CCM2: variants seen among roughly 807,000 people sequenced by gnomAD.
CCM2 encodes the protein cerebral cavernous malformations 2 protein.
In CCM2, 25 loss-of-function variants were observed where a neutral mutation model predicts 44.9. The ratio of observed to expected loss-of-function variants is 0.56; its 90% confidence interval spans 0.41 to 0.78. The LOEUF (loss-of-function observed/expected upper bound fraction) is 0.78. Ranked by LOEUF, CCM2 falls within the 30% of genes least tolerant of loss-of-function variation. The pLI, the probability that CCM2 is intolerant of heterozygous loss-of-function variation, is 0.00. For synonymous variants in CCM2, 219 were observed against 241.1 expected, an observed-to-expected ratio of 0.91 and a Z score of 0.85; for missense variants, 481 against 580.6, an observed-to-expected ratio of 0.83 and a Z score of 1.76.
intron 2 of CCM2, among the ~76,000 whole-genome samples, chr7:45,061,925 C>T (rs1798544954): frequency 6.6e-6 from 1 of 152,182 alleles, no homozygotes; most frequent in Non-Finnish European, 1.5e-5. Flanking sequence ...AGTGACTATT[C>T]CCCTGGAGTT....
intron 1 of CCM2, among the ~76,000 whole-genome samples, chr7:45,026,764 G>A (rs1007674147): frequency 6.6e-6 from 1 of 151,734 alleles, no homozygotes; most frequent in Non-Finnish European, 1.5e-5. Flanking sequence ...CACCACGCCC[G>A]GCTAATTTTT....
intron 2 of CCM2, among the ~76,000 whole-genome samples, chr7:45,055,856 C>T (rs1386370193): frequency 3.9e-5 from 6 of 152,114 alleles, no homozygotes; most frequent in Non-Finnish European, 2.9e-5. Context: ...CCTCCCACAG[C>T]CCCTGGCAAC....
chr7:45,067,348 A>G (rs1055455312), intron 4 of CCM2, among the ~76,000 whole-genome samples: 7 of 149,254 alleles, frequency 4.7e-5, no homozygotes, highest in Admixed American at 4.7e-4. Context: ...TTTTTAGTAG[A>G]GATGGGGTTT....
rs189962824 is a variant in CCM2 at position 45,013,091 on chromosome 7, T to C, written c.30+12728T>C. Among the ~76,000 whole-genome samples the C allele has an allele frequency of 3.3e-5, 5 of 152,308 alleles. No homozygotes were observed. In the East Asian group the frequency reaches 5.8e-4, roughly 18 times the overall value. On this transcript the variant is annotated intron_variant, in intron 1 of 9. Coordinates refer to ENST00000258781, the MANE Select transcript of CCM2 (RefSeq NM_031443.4). Reference sequence around the variant, plus strand: ...TTTGTTTCTCCTTTTTGATTATTTTTAACTCTGTTCTATTGCTACTGGCTT... The same window carrying C: ...TTTGTTTCTCCTTTTTGATTATTTTCAACTCTGTTCTATTGCTACTGGCTT...
At chr7:45,012,617 A>G (rs1796112011) in intron 1 of CCM2, among the ~76,000 whole-genome samples, 1 of 152,024 alleles carries the variant, frequency 6.6e-6, no homozygotes, top group South Asian at 2.1e-4. Flanking sequence ...GAGCAGTAGT[A>G]TGATCATAAC....
In CCM2 at chr7:45,076,091, G is replaced by A. The variant is rs774455845; in HGVS notation, c.*34G>A. 14 of 1,611,816 alleles carry A rather than the reference G, an allele frequency of 8.7e-6. No homozygotes were observed. Among genetic ancestry groups the A allele is most frequent in the South Asian group, 2.2e-5 (2 of 91,040 alleles). ...GGATGGGGGGGCACCCACACCTTCCGCGCAGTCGTCATAGGCCTTCCCAGA... is the reference window on the plus strand; with the variant it reads ...GGATGGGGGGGCACCCACACCTTCCACGCAGTCGTCATAGGCCTTCCCAGA... On this transcript the variant is annotated 3_prime_UTR_variant, in exon 10 of 10. Transcript: ENST00000258781.
intron 2 of CCM2, among the ~76,000 whole-genome samples, chr7:45,056,322 T>G (rs1300979443): frequency 6.6e-6 from 1 of 152,208 alleles, no homozygotes; most frequent in African/African-American, 2.4e-5. Flanking sequence ...TTTCAATATC[T>G]CCATATCTTT....
chr7:45,040,695 C>G (rs1367194322), intron 2 of CCM2, among the ~76,000 whole-genome samples: 2 of 151,792 alleles, frequency 1.3e-5, no homozygotes, highest in Non-Finnish European at 2.9e-5. Context: ...TGCATCAAAA[C>G]ATAAGGGGAG....
At chr7:45,058,449 T>C (rs903546373) in intron 2 of CCM2, among the ~76,000 whole-genome samples, 1 of 150,966 alleles carries the variant, frequency 6.6e-6, no homozygotes, top group Admixed American at 6.6e-5. Flanking sequence ...AGGTATATCT[T>C]CTAATGCTAT....
intron 1 of CCM2, among the ~76,000 whole-genome samples, chr7:45,029,159 G>T (rs753586388): frequency 4.6e-5 from 7 of 152,150 alleles, no homozygotes; most frequent in Non-Finnish European, 8.8e-5. Flanking sequence ...TAGACTGGGG[G>T]TTCCCTGGGG....
chr7:45,043,889 A>G (rs1010859908), intron 2 of CCM2, among the ~76,000 whole-genome samples: 4 of 152,100 alleles, frequency 2.6e-5, no homozygotes, highest in African/African-American at 9.7e-5. Context: ...TGTTTCTACT[A>G]TATCTGATTG....
At chr7:45,025,272 C>T (rs1796638540) in intron 1 of CCM2, among the ~76,000 whole-genome samples, 1 of 152,032 alleles carries the variant, frequency 6.6e-6, no homozygotes, top group Non-Finnish European at 1.5e-5. Context: ...GAATGGAATT[C>T]TTTTTGGGGG....
chr7:45,031,872 A>G (rs1796986246), intron 1 of CCM2, among the ~76,000 whole-genome samples: 1 of 152,148 alleles, frequency 6.6e-6, no homozygotes, highest in Non-Finnish European at 1.5e-5. Flanking sequence ...GCGCCCAGCC[A>G]TCAGCTTAAA....
chr7:45,070,286 A>G, intron 6 of CCM2: 2 of 387,484 alleles, frequency 5.2e-6, no homozygotes, highest in South Asian at 4.1e-5. Flanking sequence ...GGCTCCTAGC[A>G]CTGGGGCCTG....
At position 45,073,524 on chromosome 7, in the gene CCM2, G is replaced by C. The variant is rs538393509; in HGVS notation, c.868G>C (p.Glu290Gln). The C allele has an allele frequency of 1.2e-6, 2 of 1,613,034 alleles. No homozygotes were observed. Among genetic ancestry groups the C allele is most frequent in the Non-Finnish European group, 1.7e-6 (2 of 1,179,988 alleles). Residue 290 changes from glutamate to glutamine, a missense_variant, in exon 8 of 10, where the codon GAG (glutamate) becomes CAG (glutamine). Coordinates refer to ENST00000258781, the MANE Select transcript of CCM2 (RefSeq NM_031443.4). ...CCACAGCAAGACCATCAGTGAGAGC[G>C]AGCTGAGCGCCAGCGCCACTGAGCT... Reference protein sequence around the residue: ...SPHSKTISESELSASATELLQ... With the variant: ...SPHSKTISESQLSASATELLQ...
At chr7:45,028,332 C>T (rs1198826787) in intron 1 of CCM2, among the ~76,000 whole-genome samples, 3 of 152,100 alleles carry the variant, frequency 2.0e-5, no homozygotes, top group Non-Finnish European at 4.4e-5. Context: ...AGCAAACAGG[C>T]GGTAGTGGGC....
rs1166927200 is a variant in CCM2, at chr7:45,046,743, CA to C, written c.204+8318del. 7.2e-5 allele frequency among the ~76,000 whole-genome samples: 11 copies of C among 152,262 alleles called. 1 individual carries two copies. Among genetic ancestry groups the C allele is most frequent in the African/African-American group, 2.6e-4 (11 of 41,554 alleles). ...AAGAAAAAACTGATAAACTGGACTT[CA>C]TCAAAATTTAAAACTCTTGCTCTAT... is the stretch of plus-strand genomic sequence containing the variant. On this transcript the variant is annotated intron_variant, in intron 2 of 9. Transcript: ENST00000258781.
chr7:45,000,515 A>C, intron 1 of CCM2, 152 bp downstream of exon 1: 1 of 527,584 alleles, frequency 1.9e-6, no homozygotes, highest in Non-Finnish European at 2.7e-6. Flanking sequence ...ACCCCGGACA[A>C]TGGTCAGGTG....
At chr7:45,067,424 A>G (rs574628987) in intron 4 of CCM2, among the ~76,000 whole-genome samples, 4 of 152,252 alleles carry the variant, frequency 2.6e-5, no homozygotes, top group East Asian at 1.9e-4. Flanking sequence ...TGGCCTCCCA[A>G]TGTGCTGGGA....
Sources: gnomAD v4.1 joint callset for allele counts (sites outside exome capture counted in the v4.1 genomes callset) on GRCh38, gnomAD v4.1.1 for gene constraint, MANE v1.5 for transcripts, NCBI Gene and HGNC (gene_info 2026-07-23, HGNC 2026-07-21) for gene names.